QPRT: variants seen among roughly 807,000 people sequenced by gnomAD.
QPRT encodes nicotinate-nucleotide pyrophosphorylase [carboxylating].
QPRT carries 17 observed loss-of-function variants against 19.8 expected under a neutral mutation model. The ratio of observed to expected loss-of-function variants is 0.86; its 90% CI spans 0.59 to 1.29. The LOEUF is 1.29. QPRT is among the 50% of genes most tolerant of loss of function. The probability of loss-of-function intolerance (pLI) is 0.00; values close to 1 mark genes in which losing one functional copy is unlikely to be tolerated. For missense variants in QPRT, 336 were observed against 405.1 expected (o/e 0.83, Z 1.46); for synonymous variants, 178 against 191.0 (o/e 0.93, Z 0.56).
intron 1 of QPRT, among the ~76,000 whole-genome samples, chr16:29,685,983 C>T (rs186299624): frequency 1.2e-4 from 19 of 152,250 alleles, no homozygotes; most frequent in African/African-American, 4.6e-4. Flanking sequence ...GCCTCAGCCT[C>T]CTGAGTAGTT....
At chr16:29,693,479 G>A (rs1311965296) in intron 1 of QPRT, among the ~76,000 whole-genome samples, 2 of 151,888 alleles carry the variant, frequency 1.3e-5, no homozygotes, top group Non-Finnish European at 2.9e-5. Context: ...GGCTGGTCTT[G>A]AACTCCTGAC....
chr16:29,692,083 G>A (rs1401894716), intron 1 of QPRT, among the ~76,000 whole-genome samples: 1 of 152,300 alleles, frequency 6.6e-6, no homozygotes, highest in East Asian at 1.9e-4. Flanking sequence ...CCCCTCAAGG[G>A]GAAGCCAACT....
intron 1 of QPRT, among the ~76,000 whole-genome samples, chr16:29,688,780 CTCT>C (rs1452864293): frequency 1.4e-5 from 2 of 147,642 alleles, no homozygotes; most frequent in African/African-American, 5.0e-5. Context: ...TGTTTTTATT[CTCT>C]TTTTTTTTTT....
chr16:29,691,771 G>C (rs1967342347), intron 1 of QPRT, among the ~76,000 whole-genome samples: 1 of 152,116 alleles, frequency 6.6e-6, no homozygotes, highest in Admixed American at 6.6e-5. Flanking sequence ...CCTCAGTATA[G>C]CTAGCTCTTA....
intron 1 of QPRT, among the ~76,000 whole-genome samples, chr16:29,681,933 G>C (rs1443829951): frequency 3.9e-5 from 6 of 152,108 alleles, no homozygotes; most frequent in African/African-American, 1.4e-4. Context: ...GTTTCACCAT[G>C]TTGGCCAGGA....
At chr16:29,684,292 T>C (rs139845594) in intron 1 of QPRT, among the ~76,000 whole-genome samples, 141 of 152,112 alleles carry the variant, frequency 9.3e-4, no homozygotes, top group African/African-American at 2.9e-3. Flanking sequence ...GCTAACTTTT[T>C]CTTTTTTTCT....
chr16:29,680,913 C>T (rs1966981404), intron 1 of QPRT, among the ~76,000 whole-genome samples: 3 of 152,204 alleles, frequency 2.0e-5, no homozygotes, highest in East Asian at 3.9e-4. Context: ...AGCACTCCAG[C>T]CTGGGCGACA....
intron 1 of QPRT, among the ~76,000 whole-genome samples, chr16:29,690,301 T>C (rs1967288033): frequency 6.6e-6 from 1 of 152,224 alleles, no homozygotes. Flanking sequence ...GGTTGAATCA[T>C]GTCTTTCCTA....
chr16:29,679,281 C>G, intron 1 of QPRT, 71 bp downstream of exon 1: 2 of 1,240,188 alleles, frequency 1.6e-6, no homozygotes, highest in South Asian at 2.6e-5. Context: ...CCCACCCTGG[C>G]TTGTCTCAGC....
At chr16:29,683,574 G>T (rs1179328843) in intron 1 of QPRT, among the ~76,000 whole-genome samples, 5 of 152,064 alleles carry the variant, frequency 3.3e-5, no homozygotes, top group Admixed American at 1.3e-4. Context: ...GCCCAGGCTG[G>T]TCTCAAACTC....
At chr16:29,689,155 C>T (rs985384722) in intron 1 of QPRT, among the ~76,000 whole-genome samples, 2 of 150,864 alleles carry the variant, frequency 1.3e-5, no homozygotes, top group Non-Finnish European at 1.5e-5. Context: ...ATTGCAATGG[C>T]GCAATCTCAG....
chr16:29,691,364 CAAAAAAAAAAAAAAAA>C (rs537664108), intron 1 of QPRT, among the ~76,000 whole-genome samples: 1 of 51,892 alleles, frequency 1.9e-5, no homozygotes, highest in Non-Finnish European at 3.0e-5. Context: ...AGCTCTGCAT[CAAAAAAAAAAAAAAAA>C]AAAAAAAAAA....
At chr16:29,685,728 G>A (rs1967140297) in intron 1 of QPRT, among the ~76,000 whole-genome samples, 1 of 151,734 alleles carries the variant, frequency 6.6e-6, no homozygotes, top group Non-Finnish European at 1.5e-5. Flanking sequence ...GGTCAGGCAT[G>A]GTGGATCACA....
chr16:29,694,984 A>G lies in QPRT; in HGVS notation c.334A>G (p.Ser112Gly), dbSNP rs2082003826. ...RVALNTLARC[S>G]GIASAAAAAV... ...GGCCCTCAACACGCTGGCCCGCTGC[A>G]GTGGCATTGCCAGTGCTGCCGCCGC... is the stretch of plus-strand genomic sequence containing the variant. The change falls in exon 2 of 4, where the codon AGT (serine) becomes GGT (glycine). Residue 112 changes from serine to glycine, a missense_variant. Coordinates refer to ENST00000395384, the MANE Select transcript of QPRT (RefSeq NM_014298.6). 4 of 1,606,904 alleles carry G rather than the reference A, an allele frequency of 2.5e-6. No individual in the cohort carries two copies. The East Asian group carries it at 8.9e-5, about 36-fold the overall frequency.
At chr16:29,680,882 A>G (rs1288703652) in intron 1 of QPRT, among the ~76,000 whole-genome samples, 5 of 152,170 alleles carry the variant, frequency 3.3e-5, no homozygotes, top group African/African-American at 1.2e-4. Flanking sequence ...CGGAGGTTGC[A>G]GTGAGCTGAG....
chr16:29,694,509 G>A (rs1312642798), intron 1 of QPRT, among the ~76,000 whole-genome samples, 155 bp from the exon 2 acceptor site: 4 of 64,930 alleles, frequency 6.2e-5, no homozygotes, highest in Non-Finnish European at 9.6e-5. Flanking sequence ...TTCCCCCCAC[G>A]CCCCCCTTCC....
intron 1 of QPRT, among the ~76,000 whole-genome samples, chr16:29,685,203 G>C (rs1489424655): frequency 6.6e-6 from 1 of 152,108 alleles, no homozygotes; most frequent in African/African-American, 2.4e-5. Flanking sequence ...GGGCGCAGTG[G>C]CTCACACCTG....
chr16:29,697,565 G>GTCAGGGC lies in QPRT; in HGVS notation c.*156_*162dup. ...CTGCCACCTGCTGCTCCTGTGACCT[G>GTCAGGGC]TCAGGGCTGACTTCACCTCTGCTCA... On this transcript the variant is annotated 3_prime_UTR_variant, in exon 4 of 4. Coordinates refer to ENST00000395384, the MANE Select transcript of QPRT (RefSeq NM_014298.6). This position sits in a 1 kb window ranked among gnomAD's most constrained non-coding sequence, Gnocchi z 4.4. 1.3e-6 allele frequency: 1 copy of GTCAGGGC among 753,078 alleles called. No homozygotes were observed. The allele number at this position is 753,078 out of a possible 1,614,324, so 46.6% of individuals were successfully genotyped here.
chr16:29,683,581 A>G (rs541822613), intron 1 of QPRT, among the ~76,000 whole-genome samples: 17 of 150,726 alleles, frequency 1.1e-4, no homozygotes, highest in African/African-American at 4.2e-4. Context: ...CTGGTCTCAA[A>G]CTCCTGGCCT....
Sources: gnomAD v4.1 joint callset for allele counts (sites outside exome capture counted in the v4.1 genomes callset) on GRCh38, gnomAD v4.1.1 for gene constraint, Gnocchi (gnomAD v3.1) non-coding constraint, MANE v1.5 for transcripts, NCBI Gene and HGNC (gene_info 2026-07-23, HGNC 2026-07-21) for gene names.